The following JMJD1C variants were observed in gnomAD, a reference collection of about 807,000 sequenced individuals.
JMJD1C encodes the protein jumonji domain containing 1C.
In JMJD1C, 31 loss-of-function variants were observed where a neutral mutation model predicts 245.3. That is an observed-to-expected ratio of 0.13 (90% confidence interval 0.09 to 0.17). The LOEUF is 0.17. Ranked by LOEUF, JMJD1C falls within the 10% of genes least tolerant of loss-of-function variation. JMJD1C has a pLI of 1.00. For missense variants in JMJD1C, 2,691 were observed against 3,000.2 expected, an observed-to-expected ratio of 0.90 and a Z score of 2.41; for synonymous variants, 1,057 against 1,017.4, an observed-to-expected ratio of 1.04 and a Z score of -0.74.
intron 2 of JMJD1C, among the ~76,000 whole-genome samples, chr10:63,355,151 C>T (rs1357840370): frequency 1.3e-5 from 2 of 151,754 alleles, no homozygotes; most frequent in African/African-American, 4.8e-5. Context: ...CATGTTCCAA[C>T]TTATCTACTT....
intron 1 of JMJD1C, among the ~76,000 whole-genome samples, chr10:63,501,165 T>C (rs748036652): frequency 6.6e-6 from 1 of 152,154 alleles, no homozygotes; most frequent in African/African-American, 2.4e-5. Context: ...TCAGGACACA[T>C]GAATGTCCAT....
chr10:63,337,104 G>A (rs1324460216), intron 2 of JMJD1C, among the ~76,000 whole-genome samples: 2 of 151,708 alleles, frequency 1.3e-5, no homozygotes, highest in Non-Finnish European at 2.9e-5. Context: ...GCCTCCCAAA[G>A]TGCTGGGATT....
intron 2 of JMJD1C, among the ~76,000 whole-genome samples, chr10:63,280,804 G>C (rs1388423160): frequency 2.0e-5 from 3 of 152,060 alleles, no homozygotes; most frequent in Non-Finnish European, 4.4e-5. Context: ...AATGTTTCAT[G>C]TATTATTCAC....
At chr10:63,174,632 G>A (rs937874610) in intron 24 of JMJD1C, among the ~76,000 whole-genome samples, 2 of 152,060 alleles carry the variant, frequency 1.3e-5, no homozygotes, top group African/African-American at 4.8e-5. Flanking sequence ...TCAGGAGTTC[G>A]AGACCAGCCT....
chr10:63,295,954 CGTATATGTGTGTGTGTGT>C (rs1191552939), intron 2 of JMJD1C, among the ~76,000 whole-genome samples: 303 of 28,448 alleles, frequency 0.011, 7 homozygotes, highest in African/African-American at 0.032. Context: ...TATATATACA[CGTATATGTGTGTGTGTGT>C]GTGTGTGTGT....
rs2133023822 is a variant in JMJD1C at position 63,194,325 on chromosome 10, G to T, written c.5695C>A (p.His1899Asn). Reference protein sequence around the residue: ...MKCVKGQPHDHKHLMPTQIIP... With the variant: ...MKCVKGQPHDNKHLMPTQIIP... ...ATTTGGGTTGGCATTAAATGTTTGT[G>T]ATCATGAGGCTGTCCCTTCACACAC... Residue 1899 changes from histidine (H) to asparagine (N), a missense_variant, in exon 14 of 26, where the codon CAC (histidine) becomes AAC (asparagine). Physicochemically the swap from His to Asn is moderately conservative, Grantham distance 68. Coordinates refer to ENST00000399262, the MANE Select transcript of JMJD1C (RefSeq NM_032776.3). 1.2e-6 allele frequency: 2 copies of T among 1,613,172 alleles called. No homozygotes were observed. The highest frequency in any genetic ancestry group is 1.7e-6 in the Non-Finnish European group (2 of 1,179,276).
intron 3 of JMJD1C, among the ~76,000 whole-genome samples, chr10:63,261,755 T>C (rs374219555): frequency 6.6e-6 from 1 of 152,206 alleles, no homozygotes; most frequent in Non-Finnish European, 1.5e-5. Context: ...CATTCTGATT[T>C]AATGAAGAAT....
Position 63,432,557 on chromosome 10 carries a change from G to A in JMJD1C, c.168+32938C>T, listed in dbSNP as rs73296553. ...CAGCTATATTGTAACTGACCATGAG[G>A]AAAAGACCAAGAGAACAACAGCCCA... On this transcript the variant is annotated intron_variant, in intron 1 of 25. Transcript: ENST00000399262. Among the ~76,000 whole-genome samples the A allele has an allele frequency of 3.6e-3, 549 of 152,284 alleles. 4 individuals are homozygous for A. Among genetic ancestry groups the A allele is most frequent in the African/African-American group, 0.012 (514 of 41,548 alleles).
In JMJD1C at chr10:63,186,258, A is replaced by G; in HGVS notation, c.6696T>C (p.Asn2232=). The G allele has an allele frequency of 6.2e-7, 1 of 1,612,186 alleles. No homozygotes were observed. The highest frequency in any genetic ancestry group is 1.1e-5 in the South Asian group (1 of 90,430). ...LLNCKDSIIS[N]ANVKEFWDGF... ...CATCCCAGAATTCCTTAACATTGGC[A>G]TTTGAAATGATGCTATCTTTGCAGT... Residue 2232 remains asparagine (N), a synonymous_variant, in exon 19 of 26, where the codon AAT becomes AAC. Transcript: ENST00000399262.
chr10:63,521,570 G>T lies in JMJD1C; in HGVS notation n.113+168C>A, dbSNP rs1955243665. On this transcript the variant is annotated intron_variant and non_coding_transcript_variant, in intron 1 of 3. Coordinates refer to the JMJD1C transcript ENST00000633035. ...GATGGTGTCCTGGATGATCTCCAGA[G>T]CCGTGGTGTAAGTGCCTCTCACTGC... 2.8e-6 allele frequency: 4 copies of T among 1,433,254 alleles called. No homozygotes were observed. The highest frequency in any genetic ancestry group is 3.7e-6 in the Non-Finnish European group (4 of 1,082,300). The allele number at this position is 1,433,254 out of a possible 1,614,324, so 88.8% of individuals were successfully genotyped here.
At chr10:63,494,772 G>A (rs1001214888) in intron 1 of JMJD1C, among the ~76,000 whole-genome samples, 27 of 152,236 alleles carry the variant, frequency 1.8e-4, no homozygotes, top group African/African-American at 6.3e-4. Context: ...CAAAATGTAC[G>A]CTGACAAATA....
intron 24 of JMJD1C, among the ~76,000 whole-genome samples, chr10:63,169,330 A>G (rs905537178): frequency 6.6e-6 from 1 of 152,154 alleles, no homozygotes; most frequent in Non-Finnish European, 1.5e-5. Context: ...TGCCAGTAAA[A>G]CAACAGAGGA....
In JMJD1C at chr10:63,443,359, T is replaced by C. The variant is rs560005538; in HGVS notation, c.168+22136A>G. On this transcript the variant is annotated intron_variant, in intron 1 of 25. Transcript: ENST00000399262. ...CAGGGTCTGACTCTGTCACCCACGC[T>C]GGGATGCAGTGGCAGCATCTTGGCT... 4.6e-5 allele frequency among the ~76,000 whole-genome samples: 7 copies of C among 152,324 alleles called. No homozygotes were observed. In the South Asian group the frequency reaches 6.2e-4, roughly 14 times the overall value.
rs112277689 is a variant in JMJD1C at position 63,175,090 on chromosome 10, G to T, written c.7401+1207C>A. Among the ~76,000 whole-genome samples, 614 of 152,152 alleles carry T rather than the reference G, an allele frequency of 4.0e-3. 3 individuals are homozygous for T. Among genetic ancestry groups the T allele is most frequent in the African/African-American group, 0.014 (581 of 41,508 alleles). On this transcript the variant is annotated intron_variant, in intron 24 of 25. Coordinates refer to ENST00000399262, the MANE Select transcript of JMJD1C (RefSeq NM_032776.3). ...CAATATGTGAATAAAGATCTTCAAGGGAATCTACTTTGTATTATCAAAGGA... is the reference window on the plus strand; with the variant it reads ...CAATATGTGAATAAAGATCTTCAAGTGAATCTACTTTGTATTATCAAAGGA...
intron 3 of JMJD1C, chr10:63,222,422 G>A (rs1240556515): frequency 2.2e-6 from 2 of 919,094 alleles, no homozygotes; most frequent in Non-Finnish European, 3.7e-6. Context: ...GAATAACCCT[G>A]ATCTTTACTT....
chr10:63,195,719 T>A (rs1845382486), intron 13 of JMJD1C, among the ~76,000 whole-genome samples: 1 of 151,808 alleles, frequency 6.6e-6, no homozygotes, highest in Admixed American at 6.6e-5. Context: ...GGTGGGCCGA[T>A]CACGAGGTCA....
At chr10:63,485,595 A>C (rs148855792) in intron 1 of JMJD1C, among the ~76,000 whole-genome samples, 2 of 152,316 alleles carry the variant, frequency 1.3e-5, no homozygotes, top group Non-Finnish European at 2.9e-5. Flanking sequence ...AATAAATCCA[A>C]ATTTACTCCA....
At chr10:63,484,754 T>A (rs1564963773) in intron 1 of JMJD1C, among the ~76,000 whole-genome samples, 2 of 152,098 alleles carry the variant, frequency 1.3e-5, no homozygotes. Flanking sequence ...ATAAGTACTG[T>A]ACATTTAATT....
intron 2 of JMJD1C, among the ~76,000 whole-genome samples, chr10:63,289,086 T>G (rs1446108440): frequency 6.6e-6 from 1 of 152,092 alleles, no homozygotes; most frequent in African/African-American, 2.4e-5. Flanking sequence ...TAATATGGGT[T>G]ATGGGTCTTT....
Sources: allele counts gnomAD v4.1 joint callset (sites outside exome capture counted in the v4.1 genomes callset), GRCh38; gene constraint gnomAD v4.1.1; transcripts MANE v1.5; gene names NCBI Gene and HGNC (gene_info 2026-07-23, HGNC 2026-07-21).